The following GFRA1 variants were observed in gnomAD, a reference collection of about 807,000 sequenced individuals.
GFRA1 encodes the protein GDNF family receptor alpha-1.
A neutral mutation model predicts 51.6 loss-of-function variants in GFRA1; 16 were observed. The observed-to-expected ratio is 0.31, with a 90% CI of 0.21 to 0.47. The LOEUF (loss-of-function observed/expected upper bound fraction) is 0.47. Ranked by LOEUF, GFRA1 falls within the 20% of genes least tolerant of loss-of-function variation. The pLI is 1.00. For synonymous variants in GFRA1, 270 were observed against 241.3 expected, an observed-to-expected ratio of 1.12 and a Z score of -1.10; for missense variants, 530 against 594.3, an observed-to-expected ratio of 0.89 and a Z score of 1.13.
chr10:116,178,627 G>T (rs1299187724), intron 5 of GFRA1, among the ~76,000 whole-genome samples: 1 of 152,170 alleles, frequency 6.6e-6, no homozygotes, highest in Non-Finnish European at 1.5e-5. Flanking sequence ...CCCAGAAGAG[G>T]GCAGAGATGA....
chr10:116,121,058 G>A (rs1471155770), intron 6 of GFRA1, among the ~76,000 whole-genome samples: 3 of 152,146 alleles, frequency 2.0e-5, no homozygotes, highest in Non-Finnish European at 4.4e-5. Context: ...GTGCTGGACC[G>A]CCTGGTAATG....
At chr10:116,151,757 T>C (rs1045277350) in intron 5 of GFRA1, among the ~76,000 whole-genome samples, 1 of 152,154 alleles carries the variant, frequency 6.6e-6, no homozygotes, top group Non-Finnish European at 1.5e-5. Context: ...CCAATGGCCA[T>C]TCATTTCTTT....
rs968527375 is a variant in GFRA1, at chr10:116,173,839, G to A, written c.433+37792C>T. ...CGCCTGTAATCCCAGCACTTTGAGAGGCCAAGGCGGGCGGATCACCTAAGG... is the reference window on the plus strand; with the variant it reads ...CGCCTGTAATCCCAGCACTTTGAGAAGCCAAGGCGGGCGGATCACCTAAGG... On this transcript the variant is annotated intron_variant, in intron 5 of 10. Transcript: ENST00000355422. 1.7e-4 allele frequency among the ~76,000 whole-genome samples: 26 copies of A among 150,602 alleles called. 1 individual carries two copies. The highest frequency in any genetic ancestry group is 1.1e-3 in the Admixed American group (16 of 15,036).
At chr10:116,124,983 C>T (rs964912023) in intron 6 of GFRA1, among the ~76,000 whole-genome samples, 2 of 152,174 alleles carry the variant, frequency 1.3e-5, no homozygotes, top group Admixed American at 6.5e-5. Flanking sequence ...TTCCAGCATC[C>T]CTCAAAGCAT....
At chr10:116,206,675 TG>T (rs1323150816) in intron 5 of GFRA1, among the ~76,000 whole-genome samples, 2 of 130,640 alleles carry the variant, frequency 1.5e-5, no homozygotes, top group Non-Finnish European at 3.1e-5. Flanking sequence ...TCGCCCAGGC[TG>T]GGCTGGAGTG....
intron 4 of GFRA1, among the ~76,000 whole-genome samples, chr10:116,222,715 G>T (rs1363434358): frequency 6.6e-6 from 1 of 152,164 alleles, no homozygotes. Flanking sequence ...AAATCAAGTT[G>T]CAGGATATCA....
At chr10:116,106,719 C>G (rs1237464744) in intron 6 of GFRA1, among the ~76,000 whole-genome samples, 1 of 151,956 alleles carries the variant, frequency 6.6e-6, no homozygotes, top group Non-Finnish European at 1.5e-5. Flanking sequence ...TCGTTCCTGT[C>G]TTCCATCTTT....
At chr10:116,116,847 T>C (rs1326452557) in intron 6 of GFRA1, among the ~76,000 whole-genome samples, 1 of 152,172 alleles carries the variant, frequency 6.6e-6, no homozygotes, top group Admixed American at 6.5e-5. Context: ...CTTATGGACA[T>C]GATGGTCTAC....
chr10:116,074,001 G>GA (rs1955513920), intron 9 of GFRA1, among the ~76,000 whole-genome samples: 1 of 152,168 alleles, frequency 6.6e-6, no homozygotes, highest in South Asian at 2.1e-4. Context: ...TGCTTTTAGA[G>GA]AAAAATATTC....
intron 6 of GFRA1, among the ~76,000 whole-genome samples, chr10:116,106,891 A>G (rs1343848381): frequency 1.3e-5 from 2 of 152,114 alleles, no homozygotes; most frequent in African/African-American, 2.4e-5. Context: ...TCAGTTATTT[A>G]AAAGTGTGTG....
chr10:116,192,972 G>A (rs546905400), intron 5 of GFRA1, among the ~76,000 whole-genome samples: 1 of 152,144 alleles, frequency 6.6e-6, no homozygotes, highest in South Asian at 2.1e-4. Context: ...ATCCCCACCG[G>A]CTTTGTACAA....
chr10:116,075,980 G>A (rs911662688), intron 9 of GFRA1, among the ~76,000 whole-genome samples: 5 of 151,898 alleles, frequency 3.3e-5, no homozygotes, highest in Admixed American at 2.0e-4. Flanking sequence ...TCCTGAACTC[G>A]TGATCCACCC....
chr10:116,073,594 A>G (rs1029828870), intron 9 of GFRA1, among the ~76,000 whole-genome samples: 1 of 152,200 alleles, frequency 6.6e-6, no homozygotes, highest in East Asian at 1.9e-4. Flanking sequence ...CATTAATGGT[A>G]TAAAGGCAGC....
intron 9 of GFRA1, among the ~76,000 whole-genome samples, chr10:116,067,301 C>T (rs1264039778): frequency 1.3e-5 from 2 of 152,136 alleles, no homozygotes; most frequent in Admixed American, 6.5e-5. Context: ...CCAAAATGGC[C>T]CTAAAACATC....
intron 5 of GFRA1, among the ~76,000 whole-genome samples, chr10:116,166,563 C>G (rs530775001): frequency 2.2e-4 from 33 of 152,188 alleles, no homozygotes; most frequent in African/African-American, 7.7e-4. Context: ...ACACCTTCCC[C>G]CGGCCGTGCA....
intron 8 of GFRA1, among the ~76,000 whole-genome samples, chr10:116,092,514 G>A (rs1034359803): frequency 6.6e-5 from 10 of 152,088 alleles, no homozygotes; most frequent in African/African-American, 2.2e-4. Flanking sequence ...GTGGGTGGCT[G>A]AGCCTTGATT....
At chr10:116,133,612 T>C (rs1480334713) in intron 5 of GFRA1, among the ~76,000 whole-genome samples, 1 of 152,210 alleles carries the variant, frequency 6.6e-6, no homozygotes, top group African/African-American at 2.4e-5. Context: ...GATTTGATGG[T>C]TCTAATGTAA....
intron 5 of GFRA1, among the ~76,000 whole-genome samples, chr10:116,155,262 C>G (rs1959179122): frequency 6.6e-6 from 1 of 152,150 alleles, no homozygotes; most frequent in Non-Finnish European, 1.5e-5. Flanking sequence ...ACAATTACTT[C>G]ATCCAGTCTC....
intron 9 of GFRA1, among the ~76,000 whole-genome samples, chr10:116,072,734 C>T (rs543089013): frequency 6.6e-6 from 1 of 152,184 alleles, no homozygotes; most frequent in East Asian, 1.9e-4. Flanking sequence ...GCACTCCAGC[C>T]TGGGTGACAG....
Sources: allele counts gnomAD v4.1 joint callset (sites outside exome capture counted in the v4.1 genomes callset), GRCh38; gene constraint gnomAD v4.1.1; transcripts MANE v1.5; gene names NCBI Gene and HGNC (gene_info 2026-07-23, HGNC 2026-07-21).